SLC4A7: variants seen among roughly 807,000 people sequenced by gnomAD.
SLC4A7 encodes solute carrier family 4 member 7.
A neutral mutation model predicts 137.6 loss-of-function variants in SLC4A7; 51 were observed. The ratio of observed to expected loss-of-function variants is 0.37; its 90% CI spans 0.30 to 0.47. SLC4A7 has a LOEUF of 0.47. SLC4A7 is among the 20% of genes least tolerant of loss of function. The pLI is 1.00. For synonymous variants in SLC4A7, 542 were observed against 518.6 expected (o/e 1.05, Z -0.61); for missense variants, 1,247 against 1,525.4 (o/e 0.82, Z 3.04).
chr3:27,464,330 T>G (rs2058857690), intron 1 of SLC4A7, among the ~76,000 whole-genome samples: 1 of 152,230 alleles, frequency 6.6e-6, no homozygotes, highest in Non-Finnish European at 1.5e-5. Context: ...ATTAAAGATC[T>G]ATTAATTCAA....
At chr3:27,408,654 C>A (rs1448185994) in intron 13 of SLC4A7, among the ~76,000 whole-genome samples, 1 of 152,056 alleles carries the variant, frequency 6.6e-6, no homozygotes, top group Non-Finnish European at 1.5e-5. Context: ...CATTTAAATG[C>A]CATTAAAATG....
intron 15 of SLC4A7, 61 bp downstream of exon 15, chr3:27,403,078 T>G: frequency 6.6e-7 from 1 of 1,518,456 alleles, no homozygotes; most frequent in South Asian, 1.3e-5. Flanking sequence ...ATTCATTTTC[T>G]GAGGCTCTGA....
rs558106715 is a variant in SLC4A7, at chr3:27,416,249, C to T, written c.1659+2237G>A. ...GCATTTTACGCATGTTAACTTGCAA[C>T]ACTTGAGCTCACTGCAATAGCAACA... On this transcript the variant is annotated intron_variant, in intron 11 of 25. Coordinates refer to ENST00000454389, the MANE Select transcript of SLC4A7 (RefSeq NM_001321103.2). 3.9e-5 allele frequency among the ~76,000 whole-genome samples: 6 copies of T among 152,306 alleles called. No individual in the cohort carries two copies. In the East Asian group the frequency reaches 9.6e-4, roughly 24 times the overall value.
In SLC4A7 at chr3:27,418,595, T is replaced by C; in HGVS notation, c.1550A>G (p.Asn517Ser). ...HDVAYKAKDR[N>S]DLLSGIDEFL... ...TTCATCAATTCCAGATAAGAGGTCA[T>C]TTCTGTCTTTTGCTTTATAAGCTAC... is the stretch of plus-strand genomic sequence containing the variant. Residue 517 changes from asparagine (N) to serine (S), a missense_variant, in exon 11 of 26, where the codon AAT (asparagine) becomes AGT (serine). Physicochemically the swap from Asn to Ser is conservative, Grantham distance 46. Coordinates refer to ENST00000454389, the MANE Select transcript of SLC4A7 (RefSeq NM_001321103.2). 6.3e-7 allele frequency: 1 copy of C among 1,596,200 alleles called. No individual in the cohort carries two copies. The highest frequency in any genetic ancestry group is 8.6e-7 in the Non-Finnish European group (1 of 1,164,968).
chr3:27,446,865 G>GT (rs1172280618), intron 3 of SLC4A7, among the ~76,000 whole-genome samples: 37 of 80,158 alleles, frequency 4.6e-4, no homozygotes, highest in African/African-American at 7.4e-4. Context: ...TCTTAGTAGA[G>GT]TTTTTTTTTG....
At chr3:27,391,059 G>GTGA (rs1308095950) in intron 21 of SLC4A7, among the ~76,000 whole-genome samples, 3 of 152,156 alleles carry the variant, frequency 2.0e-5, no homozygotes, top group Admixed American at 6.5e-5. Context: ...CTGGCCTCAG[G>GTGA]TGATACTCCT....
chr3:27,388,686 T>C (rs1159899471), intron 22 of SLC4A7, among the ~76,000 whole-genome samples: 1 of 152,132 alleles, frequency 6.6e-6, no homozygotes, highest in Admixed American at 6.5e-5. Flanking sequence ...TAAGAATGTT[T>C]TTTTACAGAT....
At chr3:27,421,079 G>C (rs1247196424) in intron 9 of SLC4A7, among the ~76,000 whole-genome samples, 1 of 152,054 alleles carries the variant, frequency 6.6e-6, no homozygotes. Flanking sequence ...ACAGCAGTGA[G>C]CCACTGTGCC....
intron 7 of SLC4A7, chr3:27,428,236 A>G (rs2150349557): frequency 6.5e-6 from 1 of 154,492 alleles, no homozygotes; most frequent in South Asian, 2.0e-4. Context: ...TCACAATGAA[A>G]TACTCTAGTA....
intron 15 of SLC4A7, among the ~76,000 whole-genome samples, chr3:27,402,136 T>A (rs1176662559): frequency 6.6e-6 from 1 of 152,218 alleles, no homozygotes; most frequent in Non-Finnish European, 1.5e-5. Flanking sequence ...TTGGTAACCA[T>A]ATTTTTCCCT....
chr3:27,455,799 G>A (rs1292243390), intron 1 of SLC4A7, among the ~76,000 whole-genome samples: 1 of 152,038 alleles, frequency 6.6e-6, no homozygotes, highest in African/African-American at 2.4e-5. Flanking sequence ...GGAGGTTGCA[G>A]TGAGCGCATA....
At chr3:27,457,706 A>G (rs527295883) in intron 1 of SLC4A7, among the ~76,000 whole-genome samples, 73 of 152,210 alleles carry the variant, frequency 4.8e-4, no homozygotes, top group Non-Finnish European at 6.6e-4. Context: ...ACAGGGTATT[A>G]GAGCTTTTCC....
At chr3:27,445,371 C>T (rs2057508534) in intron 3 of SLC4A7, among the ~76,000 whole-genome samples, 1 of 152,106 alleles carries the variant, frequency 6.6e-6, no homozygotes, top group African/African-American at 2.4e-5. Flanking sequence ...TTGGGTTCCC[C>T]TCCCTGTGCT....
Position 27,400,797 on chromosome 3 carries a change from T to C in SLC4A7, c.2394A>G (p.Ala798=). 6.2e-7 allele frequency: 1 copy of C among 1,606,350 alleles called. No homozygotes were observed. Among genetic ancestry groups the C allele is most frequent in the Non-Finnish European group, 8.5e-7 (1 of 1,173,098 alleles). The change falls in exon 16 of 26, where the codon GCA becomes GCG. Residue 798 remains alanine (A), a synonymous_variant. Transcript: ENST00000454389. The part of the protein sequence containing the change: ...LAQWKKDNIT[A]HNISWRNLTV... ...TAAGATTTCTCCAGGAAATATTGTGTGCTGTTATATTATCTTTCTTCCATT... is the reference window on the plus strand; with the variant it reads ...TAAGATTTCTCCAGGAAATATTGTGCGCTGTTATATTATCTTTCTTCCATT...
chr3:27,398,293 T>G lies in SLC4A7; in HGVS notation c.2488A>C (p.Ile830Leu), dbSNP rs2052400904. 6.2e-7 allele frequency: 1 copy of G among 1,613,188 alleles called. No individual in the cohort carries two copies. Among genetic ancestry groups the G allele is most frequent in the African/African-American group, 1.3e-5 (1 of 74,852 alleles). ...GSACGHHGPY[I>L]PDVLFWCVIL... is the part of the protein sequence containing the mutation. ...ACACACCAAAAGAGCACATCTGGAA[T>G]ATAAGGTCCATGATGACCACAAGCT... Residue 830 changes from isoleucine (I) to leucine (L), a missense_variant, in exon 17 of 26, where the codon ATT becomes CTT. By Grantham distance (5) the Ile-to-Leu change is conservative. Coordinates refer to ENST00000454389, the MANE Select transcript of SLC4A7 (RefSeq NM_001321103.2).
At chr3:27,473,281 G>A (rs574930981) in intron 1 of SLC4A7, among the ~76,000 whole-genome samples, 3 of 151,902 alleles carry the variant, frequency 2.0e-5, no homozygotes, top group South Asian at 2.1e-4. Flanking sequence ...CCACGTTCTC[G>A]CCTGTGCAAC....
At chr3:27,438,583 CATAAA>C (rs1220601857) in intron 3 of SLC4A7, among the ~76,000 whole-genome samples, 9 of 146,926 alleles carry the variant, frequency 6.1e-5, no homozygotes, top group South Asian at 2.3e-4. Flanking sequence ...AACAAAATAA[CATAAA>C]ATAAAATAAC....
intron 1 of SLC4A7, among the ~76,000 whole-genome samples, chr3:27,467,184 G>A (rs2059045070): frequency 6.6e-6 from 1 of 151,926 alleles, no homozygotes. Flanking sequence ...CTTTTCACTG[G>A]GCCACTTACA....
intron 4 of SLC4A7, 72 bp downstream of exon 4, chr3:27,437,316 A>G (rs1576454437): frequency 1.0e-6 from 1 of 1,004,794 alleles, no homozygotes; most frequent in South Asian, 2.1e-5. Flanking sequence ...GCACCATCGC[A>G]CTCCAGCCTG....
Sources: allele counts gnomAD v4.1 joint callset (sites outside exome capture counted in the v4.1 genomes callset), GRCh38; gene constraint gnomAD v4.1.1; transcripts MANE v1.5; gene names NCBI Gene and HGNC (gene_info 2026-07-23, HGNC 2026-07-21).